Variants in MGMT observed in about 807,000 individuals in gnomAD.
The protein encoded by MGMT is methylated-DNA--protein-cysteine methyltransferase.
A neutral mutation model predicts 15.9 loss-of-function variants in MGMT; 14 were observed. The observed-to-expected ratio is 0.88, with a 90% CI of 0.58 to 1.37. The LOEUF (loss-of-function observed/expected upper bound fraction) is 1.37. Among genes scored for constraint, MGMT ranks in the 40% most tolerant of loss-of-function variants. The probability of loss-of-function intolerance (pLI) is 0.00; values close to 1 mark genes in which losing one functional copy is unlikely to be tolerated. For synonymous variants in MGMT, 130 were observed against 118.2 expected (o/e 1.10, Z -0.65); for missense variants, 282 against 268.1 (o/e 1.05, Z -0.36).
At chr10:129,632,561 A>C (rs560014958) in intron 2 of MGMT, among the ~76,000 whole-genome samples, 1 of 152,354 alleles carries the variant, frequency 6.6e-6, no homozygotes, top group African/African-American at 2.4e-5. Context: ...TCCTTCATTT[A>C]TCCCACAAAT....
intron 2 of MGMT, among the ~76,000 whole-genome samples, chr10:129,618,108 C>T (rs1847049259): frequency 6.6e-6 from 1 of 151,974 alleles, no homozygotes; most frequent in African/African-American, 2.4e-5. Context: ...AGAGCCAGGC[C>T]CCTTGGGATG....
chr10:129,472,709 G>T, intron 1 of MGMT, among the ~76,000 whole-genome samples: 1 of 152,324 alleles, frequency 6.6e-6, no homozygotes, highest in East Asian at 1.9e-4. Context: ...GAGGCCTGGC[G>T]CTGGGGAGGC....
chr10:129,664,507 A>G (rs747493043), intron 2 of MGMT, among the ~76,000 whole-genome samples: 6 of 152,240 alleles, frequency 3.9e-5, no homozygotes, highest in Non-Finnish European at 7.3e-5. Flanking sequence ...GCACATATGT[A>G]CACACTTCTT....
intron 3 of MGMT, among the ~76,000 whole-genome samples, chr10:129,741,935 C>G (rs963486575): frequency 2.0e-5 from 3 of 152,324 alleles, no homozygotes; most frequent in African/African-American, 7.2e-5. Context: ...TGGCTCTGAG[C>G]CTAGTGCTCC....
At chr10:129,710,326 C>T (rs947096051) in intron 3 of MGMT, among the ~76,000 whole-genome samples, 1 of 152,204 alleles carries the variant, frequency 6.6e-6, no homozygotes, top group African/African-American at 2.4e-5. Flanking sequence ...GATGGTAGTG[C>T]GACAGCCGCT....
At position 129,566,572 on chromosome 10, in the gene MGMT, G is replaced by A. The variant is rs947220173; in HGVS notation, c.125+30195G>A. Among the ~76,000 whole-genome samples the A allele has an allele frequency of 1.3e-5, 2 of 152,110 alleles. No individual in the cohort carries two copies. Among genetic ancestry groups the A allele is most frequent in the African/African-American group, 2.4e-5 (1 of 41,414 alleles). ...GGCCCATCATCATCCTGGTGGAGGT[G>A]TTGCACTGAGGACCACAGCAGCCCT... On this transcript the variant is annotated intron_variant, in intron 2 of 4. Coordinates refer to ENST00000651593, the MANE Select transcript of MGMT (RefSeq NM_002412.5). This position sits in a 1 kb window ranked among gnomAD's most constrained non-coding sequence, Gnocchi z 4.1.
intron 1 of MGMT, among the ~76,000 whole-genome samples, chr10:129,481,641 ATT>A (rs1303650983): frequency 2.0e-5 from 3 of 152,062 alleles, no homozygotes; most frequent in Non-Finnish European, 4.4e-5. Flanking sequence ...CAGGTCATTT[ATT>A]TCTTCTTGAG....
intron 2 of MGMT, among the ~76,000 whole-genome samples, chr10:129,686,502 G>A (rs1274084953): frequency 6.6e-6 from 1 of 152,096 alleles, no homozygotes; most frequent in Admixed American, 6.5e-5. Flanking sequence ...AGCCTCCCAA[G>A]TAGCTAGGAT....
chr10:129,488,040 C>T (rs192687507), intron 1 of MGMT, among the ~76,000 whole-genome samples: 109 of 148,590 alleles, frequency 7.3e-4, no homozygotes, highest in East Asian at 4.9e-3. Flanking sequence ...CACACACACA[C>T]ATGAATATAC....
chr10:129,752,357 C>T (rs1276976164), intron 3 of MGMT, among the ~76,000 whole-genome samples: 2 of 151,892 alleles, frequency 1.3e-5, no homozygotes, highest in Admixed American at 1.3e-4. Flanking sequence ...TTTTAACCTA[C>T]CTACAGGTAT....
chr10:129,503,030 G>A (rs1284371095), intron 1 of MGMT, among the ~76,000 whole-genome samples: 1 of 152,050 alleles, frequency 6.6e-6, no homozygotes, highest in African/African-American at 2.4e-5. Flanking sequence ...ATTTGTTTAT[G>A]TGCGTGGTCC....
intron 1 of MGMT, among the ~76,000 whole-genome samples, chr10:129,501,106 C>T (rs1282545692): frequency 6.6e-6 from 1 of 152,234 alleles, no homozygotes; most frequent in Non-Finnish European, 1.5e-5. Context: ...AAATCCTTTG[C>T]ACACAGGTCC....
chr10:129,536,217 G>A, intron 1 of MGMT, 24 bp from the exon 2 acceptor site: 2 of 1,613,176 alleles, frequency 1.2e-6, no homozygotes, highest in East Asian at 2.2e-5. Flanking sequence ...TATACACTTT[G>A]TCTTAAAAAT....
chr10:129,588,332 A>G (rs1255043824), intron 2 of MGMT, among the ~76,000 whole-genome samples: 1 of 152,216 alleles, frequency 6.6e-6, no homozygotes, highest in Non-Finnish European at 1.5e-5. Context: ...GGGGCGGATG[A>G]GACAGTAGAT....
rs534808529 is a variant in MGMT at position 129,549,607 on chromosome 10, A to G, written c.125+13230A>G. On this transcript the variant is annotated intron_variant, in intron 2 of 4. Transcript: ENST00000651593. ...TTCTCTTTCTCTTTTCTTTTTGACA[A>G]ATTGTGTCCAAGCAAATTAGTTTGC... Among the ~76,000 whole-genome samples, 4 of 152,234 alleles carry G rather than the reference A, an allele frequency of 2.6e-5. No homozygotes were observed. The East Asian group carries it at 7.7e-4, about 29-fold the overall frequency.
chr10:129,676,597 A>G (rs533166518), intron 2 of MGMT, among the ~76,000 whole-genome samples: 18 of 152,346 alleles, frequency 1.2e-4, no homozygotes, highest in Admixed American at 2.0e-4. Flanking sequence ...CAGCTGGAAG[A>G]ACAGTCTGTT....
At chr10:129,524,966 T>G (rs1845853504) in intron 1 of MGMT, among the ~76,000 whole-genome samples, 1 of 152,100 alleles carries the variant, frequency 6.6e-6, no homozygotes, top group Non-Finnish European at 1.5e-5. Context: ...CTAGAGTTGG[T>G]TTAGCTAAAC....
chr10:129,500,429 C>G (rs1845563760), intron 1 of MGMT, among the ~76,000 whole-genome samples: 2 of 152,162 alleles, frequency 1.3e-5, no homozygotes, highest in African/African-American at 4.8e-5. Context: ...ACTGCTCACT[C>G]GAAATGGGAC....
At chr10:129,567,869 A>G (rs1417616105) in intron 2 of MGMT, among the ~76,000 whole-genome samples, 1 of 152,214 alleles carries the variant, frequency 6.6e-6, no homozygotes, top group Middle Eastern at 3.2e-3. Context: ...TTGTTCTGAC[A>G]GAGGTTTTTG....
Sources: allele counts gnomAD v4.1 joint callset (sites outside exome capture counted in the v4.1 genomes callset), GRCh38; gene constraint gnomAD v4.1.1; non-coding constraint Gnocchi (gnomAD v3.1); transcripts MANE v1.5; gene names NCBI Gene and HGNC (gene_info 2026-07-23, HGNC 2026-07-21).